Variants in ANKS1B observed in about 807,000 individuals in gnomAD.
ANKS1B encodes the protein ankyrin repeat and sterile alpha motif domain-containing protein 1B.
ANKS1B carries 36 observed loss-of-function variants against 148.3 expected under a neutral mutation model. That is an observed-to-expected ratio of 0.24 (90% confidence interval 0.19 to 0.32). The LOEUF (loss-of-function observed/expected upper bound fraction) is 0.32. ANKS1B is among the 10% of genes least tolerant of loss of function. The pLI, the probability that ANKS1B is intolerant of heterozygous loss-of-function variation, is 1.00. For synonymous variants in ANKS1B, 542 were observed against 560.8 expected (o/e 0.97, Z 0.47); for missense variants, 1,157 against 1,542.6 (o/e 0.75, Z 4.19).
At chr12:99,150,603 A>C (rs1333055816) in intron 15 of ANKS1B, among the ~76,000 whole-genome samples, 1 of 152,146 alleles carries the variant, frequency 6.6e-6, no homozygotes, top group Non-Finnish European at 1.5e-5. Context: ...TTTGGGACTT[A>C]AAATTTAGGA....
intron 17 of ANKS1B, among the ~76,000 whole-genome samples, chr12:98,939,134 T>C (rs1161748215): frequency 6.6e-6 from 1 of 152,222 alleles, no homozygotes; most frequent in East Asian, 1.9e-4. Context: ...TCAGCTAATG[T>C]TATCCTAAAG....
chr12:99,455,828 T>G (rs886854391), intron 10 of ANKS1B, among the ~76,000 whole-genome samples: 1 of 152,092 alleles, frequency 6.6e-6, no homozygotes, highest in Non-Finnish European at 1.5e-5. Flanking sequence ...GGTTATTGTC[T>G]GCTGGCCCTG....
At chr12:98,870,569 G>C (rs1230299673) in intron 17 of ANKS1B, among the ~76,000 whole-genome samples, 1 of 152,244 alleles carries the variant, frequency 6.6e-6, no homozygotes, top group Non-Finnish European at 1.5e-5. Flanking sequence ...GCTGGGAGAT[G>C]ATGAGGAAAG....
rs373511023 is a variant in ANKS1B, at chr12:99,617,494, G to A, written c.1272+37573C>T. ...AGTTCTTGTCCTTTGCAGGGACATGGATGAAGCTGGAAACCATCATTCTCA... is the reference window on the plus strand; with the variant it reads ...AGTTCTTGTCCTTTGCAGGGACATGAATGAAGCTGGAAACCATCATTCTCA... On this transcript the variant is annotated intron_variant, in intron 9 of 26. Transcript: ENST00000683438. Among the ~76,000 whole-genome samples, 269 of 135,108 alleles carry A rather than the reference G, an allele frequency of 2.0e-3. 8 individuals are homozygous for A. In the South Asian group the frequency reaches 0.051, roughly 26 times the overall value. The allele number at this position is 135,108 out of a possible 152,430, so 88.6% of individuals were successfully genotyped here. A position where few individuals can be genotyped will look rare whatever the true frequency, so the allele number is the denominator to read the frequency against.
chr12:99,850,281 G>GTCTCTCTCTCTCTCTCTC (rs71436968), intron 1 of ANKS1B, among the ~76,000 whole-genome samples: 38 of 114,254 alleles, frequency 3.3e-4, no homozygotes, highest in African/African-American at 1.3e-3. Context: ...AAGCAAGAAA[G>GTCTCTCTCTCTCTCTCTC]TCTCTCTCTC....
chr12:98,799,610 G>C (rs2098983055), intron 21 of ANKS1B, among the ~76,000 whole-genome samples: 1 of 152,058 alleles, frequency 6.6e-6, no homozygotes, highest in Admixed American at 6.5e-5. Context: ...GTGCCACCTG[G>C]AGGGCTGAAT....
intron 15 of ANKS1B, among the ~76,000 whole-genome samples, chr12:99,092,662 A>G (rs978891160): frequency 2.6e-5 from 4 of 152,142 alleles, no homozygotes; most frequent in South Asian, 2.1e-4. Flanking sequence ...ACGTTCATCA[A>G]GCTCTTGCAA....
chr12:98,957,144 G>A (rs1184102075), intron 17 of ANKS1B, among the ~76,000 whole-genome samples: 1 of 152,008 alleles, frequency 6.6e-6, no homozygotes, highest in Non-Finnish European at 1.5e-5. Context: ...CTCAAGGAAT[G>A]GGATTTCCTT....
chr12:99,599,342 GA>G (rs1177125245), intron 9 of ANKS1B, among the ~76,000 whole-genome samples: 1 of 152,046 alleles, frequency 6.6e-6, no homozygotes, highest in African/African-American at 2.4e-5. Context: ...TGGCAGGTGG[GA>G]GGGGTAAAAT....
rs1313017621 is a variant in ANKS1B, at chr12:99,424,646, CAT to C, written c.1575+19025_1575+19026del. Among the ~76,000 whole-genome samples, 175 of 146,628 alleles carry C rather than the reference CAT, an allele frequency of 1.2e-3. 1 individual carries two copies. Among genetic ancestry groups the C allele is most frequent in the African/African-American group, 4.0e-3 (150 of 37,648 alleles). On this transcript the variant is annotated intron_variant, in intron 11 of 26. Coordinates refer to ENST00000683438, the MANE Select transcript of ANKS1B (RefSeq NM_001352186.2). Reference sequence around the variant, plus strand: ...AAACACACACACACACACACACACACATACACACACACACCCATAAGGAAAAT... The same window carrying C: ...AAACACACACACACACACACACACACACACACACACACCCATAAGGAAAAT...
At chr12:99,041,757 T>C (rs2099959156) in intron 17 of ANKS1B, among the ~76,000 whole-genome samples, 2 of 152,150 alleles carry the variant, frequency 1.3e-5, no homozygotes, top group African/African-American at 4.8e-5. Context: ...TCCCAGCACT[T>C]TGGGATGCCT....
intron 19 of ANKS1B, among the ~76,000 whole-genome samples, chr12:98,816,772 G>A (rs1298373509): frequency 1.3e-5 from 2 of 151,972 alleles, no homozygotes; most frequent in Non-Finnish European, 2.9e-5. Context: ...TGCTTTCTCC[G>A]TGGACAGAAC....
chr12:99,170,132 G>T (rs11109749), intron 14 of ANKS1B, among the ~76,000 whole-genome samples: 1 of 152,062 alleles, frequency 6.6e-6, no homozygotes, highest in East Asian at 1.9e-4. Flanking sequence ...CCCATCACCT[G>T]GATATTTTTA....
intron 25 of ANKS1B, among the ~76,000 whole-genome samples, chr12:98,752,574 G>T (rs563170914): frequency 1.3e-5 from 2 of 152,210 alleles, no homozygotes; most frequent in Non-Finnish European, 1.5e-5. Context: ...GCATCTTTAA[G>T]CTTGGCAAAA....
intron 17 of ANKS1B, among the ~76,000 whole-genome samples, chr12:98,934,521 G>A (rs568026617): frequency 7.0e-4 from 106 of 152,182 alleles, no homozygotes; most frequent in Non-Finnish European, 1.2e-3. Flanking sequence ...TTGGAACTTT[G>A]ATAGGAATTG....
chr12:99,443,861 A>G (rs2095590047), intron 10 of ANKS1B, 52 bp from the exon 11 acceptor site: 1 of 1,535,834 alleles, frequency 6.5e-7, no homozygotes, highest in Non-Finnish European at 8.8e-7. Flanking sequence ...TTTACCTTTT[A>G]AGACTTGAAA....
intron 17 of ANKS1B, among the ~76,000 whole-genome samples, chr12:98,851,528 G>T (rs1281596537): frequency 5.9e-5 from 9 of 152,216 alleles, no homozygotes; most frequent in African/African-American, 1.9e-4. Context: ...TTTTGCTAAG[G>T]GGGAACCATA....
At chr12:98,876,666 T>A (rs2099691370) in intron 17 of ANKS1B, among the ~76,000 whole-genome samples, 1 of 152,192 alleles carries the variant, frequency 6.6e-6, no homozygotes. Flanking sequence ...TATCTTTGGG[T>A]TTCTTTTGAC....
intron 1 of ANKS1B, among the ~76,000 whole-genome samples, chr12:99,884,262 T>C (rs2373119): frequency 0.56 from 85,384 of 151,970 alleles, 25,089 homozygotes; most frequent in African/African-American, 0.65. Flanking sequence ...ACTGCAGGTA[T>C]TAGCAAGTAT....
Sources: gnomAD v4.1 joint callset for allele counts (sites outside exome capture counted in the v4.1 genomes callset) on GRCh38, gnomAD v4.1.1 for gene constraint, MANE v1.5 for transcripts, NCBI Gene and HGNC (gene_info 2026-07-23, HGNC 2026-07-21) for gene names.